MET: variants seen among roughly 807,000 people sequenced by gnomAD.
MET encodes the protein MET proto-oncogene, receptor tyrosine kinase, also known as hepatocyte growth factor receptor.
In MET, 48 loss-of-function variants were observed where a neutral mutation model predicts 133.1. The ratio of observed to expected loss-of-function variants is 0.36; its 90% CI spans 0.29 to 0.46. MET has a LOEUF of 0.46. Among genes scored for constraint, MET ranks in the 20% least tolerant of loss-of-function variants. The pLI, the probability that MET is intolerant of heterozygous loss-of-function variation, is 1.00. For missense variants in MET, 1,442 were observed against 1,695.9 expected (o/e 0.85, Z 2.63); for synonymous variants, 628 against 616.5 (o/e 1.02, Z -0.28).
rs1554394838 is a variant in MET at position 116,755,036 on chromosome 7, G to GAAAGAAAGAAAGAAAGAAAGA, written c.1702-312_1702-311insGAAAGAAAGAAAGAAAAGAAA. Among the ~76,000 whole-genome samples the GAAAGAAAGAAAGAAAGAAAGA allele has an allele frequency of 1.1e-4, 16 of 151,468 alleles. No homozygotes were observed. The East Asian group carries it at 1.2e-3, about 11-fold the overall frequency. On this transcript the variant is annotated intron_variant, in intron 5 of 20. Coordinates refer to ENST00000397752, the MANE Select transcript of MET (RefSeq NM_000245.4). ...AGAAAGAAAGAAAGAAAGAAAGAAA[G>GAAAGAAAGAAAGAAAGAAAGA]AAAGAAAAGAAAGAAAGAACGGAAG...
At chr7:116,741,557 C>A (rs1476808645) in intron 5 of MET, among the ~76,000 whole-genome samples, 2 of 152,176 alleles carry the variant, frequency 1.3e-5, no homozygotes, top group African/African-American at 4.8e-5. Flanking sequence ...GGACAGTTTT[C>A]TTCCTGTCCG....
At chr7:116,710,279 A>C (rs1791944905) in intron 2 of MET, among the ~76,000 whole-genome samples, 2 of 152,194 alleles carry the variant, frequency 1.3e-5, no homozygotes, top group African/African-American at 4.8e-5. Context: ...AATGATTTGT[A>C]ATATATAAGT....
chr7:116,757,101 A>G (rs1023932777), intron 6 of MET, among the ~76,000 whole-genome samples: 36 of 152,012 alleles, frequency 2.4e-4, no homozygotes, highest in Admixed American at 1.7e-3. Flanking sequence ...AATTAACCAG[A>G]TGCCGTGGCA....
intron 5 of MET, 125 bp from the exon 6 acceptor site, chr7:116,755,230 A>G (rs1277772381): frequency 3.4e-6 from 4 of 1,172,346 alleles, no homozygotes; most frequent in Admixed American, 2.6e-5. Flanking sequence ...AATTTTTACT[A>G]AATTGTGGGA....
intron 2 of MET, among the ~76,000 whole-genome samples, chr7:116,703,700 G>A (rs1006893041): frequency 6.6e-6 from 1 of 152,042 alleles, no homozygotes; most frequent in Non-Finnish European, 1.5e-5. Context: ...AGGAAAAAAA[G>A]GAGAATCAGT....
chr7:116,718,763 A>G (rs1258031674), intron 2 of MET, among the ~76,000 whole-genome samples: 2 of 149,210 alleles, frequency 1.3e-5, no homozygotes, highest in Non-Finnish European at 3.0e-5. Context: ...TGTTCTTGCA[A>G]TAGTTTACTG....
At chr7:116,699,022 C>G in intron 1 of MET, 49 bp from the exon 2 acceptor site, 4 of 1,611,994 alleles carry the variant, frequency 2.5e-6, no homozygotes, top group Non-Finnish European at 3.4e-6. Context: ...TCAGTTTTCT[C>G]TTCATTTCTG....
intron 2 of MET, among the ~76,000 whole-genome samples, chr7:116,705,776 G>A (rs1791766158): frequency 6.6e-6 from 1 of 151,682 alleles, no homozygotes; most frequent in Non-Finnish European, 1.5e-5. Flanking sequence ...CCTCTCATAG[G>A]CTCAGGGAGT....
chr7:116,722,458 A>G (rs1253186200), intron 2 of MET, among the ~76,000 whole-genome samples: 2 of 151,294 alleles, frequency 1.3e-5, no homozygotes, highest in African/African-American at 4.8e-5. Context: ...GTGTGTTTTA[A>G]TTGGAGCATT....
At chr7:116,749,233 A>G (rs1439952494) in intron 5 of MET, among the ~76,000 whole-genome samples, 1 of 152,224 alleles carries the variant, frequency 6.6e-6, no homozygotes, top group African/African-American at 2.4e-5. Flanking sequence ...AACCAAATCC[A>G]GCAACACATC....
At chr7:116,754,939 G>GAAAA (rs1554394720) in intron 5 of MET, among the ~76,000 whole-genome samples, 6 of 122,672 alleles carry the variant, frequency 4.9e-5, no homozygotes, top group Non-Finnish European at 8.9e-5. Context: ...AAGAAAGAAA[G>GAAAA]AAAGAAAGAA....
intron 1 of MET, among the ~76,000 whole-genome samples, chr7:116,685,464 C>A (rs547006241): frequency 4.0e-5 from 6 of 151,746 alleles, no homozygotes; most frequent in Non-Finnish European, 7.4e-5. Flanking sequence ...GATAGTGAGG[C>A]GGGTGGTGGT....
intron 19 of MET, among the ~76,000 whole-genome samples, chr7:116,786,662 T>C (rs1302153704): frequency 3.9e-5 from 6 of 152,228 alleles, no homozygotes; most frequent in Non-Finnish European, 7.3e-5. Flanking sequence ...GAGAGTACAC[T>C]TATTCTATTC....
chr7:116,678,442 A>T (rs1204151443), intron 1 of MET, among the ~76,000 whole-genome samples: 7 of 151,984 alleles, frequency 4.6e-5, no homozygotes, highest in East Asian at 1.9e-4. Context: ...GTTTTTTTTT[A>T]AAAAAGAATG....
At position 116,724,996 on chromosome 7, in the gene MET, C is replaced by T. The variant is rs959235796; in HGVS notation, c.1201-6672C>T. 7 of 602,536 alleles carry T rather than the reference C, an allele frequency of 1.2e-5. No individual in the cohort carries two copies. In the African/African-American group the frequency reaches 1.4e-4, roughly 12 times the overall value. The allele number at this position is 602,536 out of a possible 1,614,324, so 37.3% of individuals were successfully genotyped here. A position where few individuals can be genotyped will look rare whatever the true frequency, so the allele number is the denominator to read the frequency against. On this transcript the variant is annotated intron_variant, in intron 2 of 20. Transcript: ENST00000397752. The stretch of plus-strand genomic sequence containing the variant: ...AAGGTCATGCAACTCATCAATGCCT[C>T]CCTGGGGTAGAACCAGCCTTGGCCC...
At chr7:116,688,588 G>A (rs1487676944) in intron 1 of MET, among the ~76,000 whole-genome samples, 1 of 152,172 alleles carries the variant, frequency 6.6e-6, no homozygotes, top group African/African-American at 2.4e-5. Flanking sequence ...ATGTACAATG[G>A]TAAAAACAAA....
chr7:116,709,615 G>A (rs1313841562), intron 2 of MET, among the ~76,000 whole-genome samples: 1 of 152,066 alleles, frequency 6.6e-6, no homozygotes, highest in South Asian at 2.1e-4. Context: ...AGGCTTCAGG[G>A]CTTATTCCTG....
intron 2 of MET, among the ~76,000 whole-genome samples, chr7:116,720,732 T>A (rs1405445793): frequency 7.3e-6 from 1 of 136,820 alleles, no homozygotes; most frequent in Admixed American, 7.7e-5. Flanking sequence ...TTTCTGCATC[T>A]ATTGAGATAA....
intron 14 of MET, 63 bp downstream of exon 14, chr7:116,772,052 GTTGT>G: frequency 6.3e-7 from 1 of 1,582,378 alleles, no homozygotes; most frequent in Non-Finnish European, 8.7e-7. Flanking sequence ...TTGTGACATT[GTTGT>G]TTATTTTTGG....
Sources: allele counts gnomAD v4.1 joint callset (sites outside exome capture counted in the v4.1 genomes callset), GRCh38; gene constraint gnomAD v4.1.1; transcripts MANE v1.5; gene names NCBI Gene and HGNC (gene_info 2026-07-23, HGNC 2026-07-21).